CLCN7: variants seen among roughly 807,000 people sequenced by gnomAD.
CLCN7 encodes Cl-/H+ antiporter 7, also known as H(+)/Cl(-) exchange transporter 7.
A neutral mutation model predicts 102.1 loss-of-function variants in CLCN7; 60 were observed. The observed-to-expected ratio is 0.59, with a 90% CI of 0.48 to 0.73. The LOEUF is 0.73. Among genes scored for constraint, CLCN7 ranks in the 30% least tolerant of loss-of-function variants. CLCN7 has a pLI of 0.00. For synonymous variants in CLCN7, 560 were observed against 490.5 expected (o/e 1.14, Z -1.87); for missense variants, 962 against 1,125.7 (o/e 0.85, Z 2.08).
chr16:1,468,270 GCCACCC>G (rs1246263700), intron 1 of CLCN7, among the ~76,000 whole-genome samples: 1 of 152,172 alleles, frequency 6.6e-6, no homozygotes, highest in African/African-American at 2.4e-5. Context: ...TGACCAGCGG[GCCACCC>G]CCACCGCCGC....
At chr16:1,448,086 C>T (rs532769918) in intron 21 of CLCN7, among the ~76,000 whole-genome samples, 4 of 152,222 alleles carry the variant, frequency 2.6e-5, no homozygotes, top group East Asian at 3.9e-4. Flanking sequence ...CCTGTCAGGG[C>T]CTCCTGACAA....
Position 1,455,115 on chromosome 16 carries a change from G to T in CLCN7, c.1098+19C>A. 4.3e-6 allele frequency: 6 copies of T among 1,404,272 alleles called. No individual in the cohort carries two copies. The highest frequency in any genetic ancestry group is 6.1e-6 in the Non-Finnish European group (6 of 988,410). 87.0% of individuals were successfully genotyped at this position (1,404,272 alleles called of 1,614,324 possible). On this transcript the variant is annotated intron_variant, in intron 12 of 24. Transcript: ENST00000382745. ...GACCAGGATACGAGGTGGGCGAGGT[G>T]GGCGATGGGGCAGGTTACCTCCGAG...
intron 1 of CLCN7, 59 bp downstream of exon 1, chr16:1,474,775 C>G: frequency 8.2e-7 from 1 of 1,224,046 alleles, no homozygotes; most frequent in Non-Finnish European, 1.0e-6. Context: ...CTCACGAGGG[C>G]GCGGGCTGCG....
chr16:1,446,287 C>A lies in CLCN7; in HGVS notation c.*344G>T. 1 of 697,550 alleles carries A rather than the reference C, an allele frequency of 1.4e-6. No individual in the cohort carries two copies. Among genetic ancestry groups the A allele is most frequent in the South Asian group, 1.5e-5 (1 of 67,138 alleles). The allele number at this position is 697,550 out of a possible 1,614,324, so 43.2% of individuals were successfully genotyped here. ...GGGCTCTGTCTCACGCACACGGGCA[C>A]AGGCACGCAGGTGCCGGCCCTGCCG... On this transcript the variant is annotated 3_prime_UTR_variant, in exon 25 of 25. Coordinates refer to ENST00000382745, the MANE Select transcript of CLCN7 (RefSeq NM_001287.6).
Position 1,457,848 on chromosome 16 carries a change from G to T in CLCN7, c.676-92C>A. ...AAACAGCACACACAGCCCCGATCAG[G>T]CAGAGTGGCTGGGACACGGGGCCTC... On this transcript the variant is annotated intron_variant, in intron 7 of 24. Coordinates refer to ENST00000382745, the MANE Select transcript of CLCN7 (RefSeq NM_001287.6). This position sits in a 1 kb window ranked among gnomAD's most constrained non-coding sequence, Gnocchi z 5.4. The T allele has an allele frequency of 1.5e-6, 2 of 1,315,460 alleles. No homozygotes were observed. The highest frequency in any genetic ancestry group is 2.2e-6 in the Non-Finnish European group (2 of 917,808). The allele number at this position is 1,315,460 out of a possible 1,614,324, so 81.5% of individuals were successfully genotyped here.
rs121434435 is a variant in CLCN7, at chr16:1,447,038, G to A, written c.2299C>T (p.Arg767Trp). 2.5e-6 allele frequency: 4 copies of A among 1,601,746 alleles called. No individual in the cohort carries two copies. Among genetic ancestry groups the A allele is most frequent in the East Asian group, 2.2e-5 (1 of 44,592 alleles). Residue 767 changes from arginine (R) to tryptophan (W), a missense_variant, in exon 24 of 25, where the codon CGG (arginine) becomes TGG (tryptophan). Physicochemically the swap from Arg to Trp is moderately radical, Grantham distance 101 (BLOSUM62 -3). Around this residue, in one of 2 missense-constraint regions of CLCN7, gnomAD observed 799 missense variants for 988.0 expected, o/e 0.81. Coordinates refer to ENST00000382745, the MANE Select transcript of CLCN7 (RefSeq NM_001287.6). ...CGGTTGTCCACCACCACCAGGTGCC[G>A]CAGGCCCAGGGCCCGGAACAGCTTG... ...VFKLFRALGL[R>W]HLVVVDNRNQ...
In CLCN7 at chr16:1,448,734, A is replaced by G. The variant is rs149403063; in HGVS notation, c.1830T>C (p.Ser610=). 18 of 1,612,366 alleles carry G rather than the reference A, an allele frequency of 1.1e-5. No homozygotes were observed. The African/African-American group carries it at 2.3e-4, about 20-fold the overall frequency. The change falls in exon 20 of 25, where the codon AGT becomes AGC. Residue 610 remains serine, a synonymous_variant. Coordinates refer to ENST00000382745, the MANE Select transcript of CLCN7 (RefSeq NM_001287.6). ...GLYDMHIQLQ[S]VPFLHWEAPV... is the part of the protein sequence containing the mutation. The stretch of plus-strand genomic sequence containing the variant: ...GGGCCTCCCAGTGCAGGAAGGGCAC[A>G]CTCTGCAGCTGAATGTGCATGTCGT...
In CLCN7 at chr16:1,453,863, C is replaced by T. The variant is rs1171520715; in HGVS notation, c.1185G>A (p.Leu395=). 1 of 1,613,394 alleles carries T rather than the reference C, an allele frequency of 6.2e-7. No homozygotes were observed. The highest frequency in any genetic ancestry group is 1.1e-5 in the South Asian group (1 of 91,086). ...GGVLGAVFNA[L]NYWLTMFRIR... ...TTCGAAACATGGTCAGCCAGTAGTT[C>T]AAGGCATTGAACACTGCTCCAAGCA... Residue 395 remains leucine (L), a synonymous_variant, in exon 14 of 25, where the codon TTG becomes TTA. Transcript: ENST00000382745.
chr16:1,455,869 G>C, intron 10 of CLCN7, 74 bp from the exon 11 acceptor site: 1 of 1,525,258 alleles, frequency 6.6e-7, no homozygotes, highest in South Asian at 1.1e-5. Context: ...CCCTCCCCCA[G>C]GCTCCAGGGA....
At chr16:1,459,734 C>A (rs1338009473) in intron 6 of CLCN7, among the ~76,000 whole-genome samples, 4 of 39,390 alleles carry the variant, frequency 1.0e-4, no homozygotes, top group East Asian at 4.4e-4. Context: ...GGAAGGGGAG[C>A]TCAGCACACA....
chr16:1,448,816 G>T (rs1056756557), intron 19 of CLCN7, 50 bp from the exon 20 acceptor site: 2 of 1,600,918 alleles, frequency 1.2e-6, no homozygotes, highest in Non-Finnish European at 1.7e-6. Flanking sequence ...ACCCACCCCT[G>T]GAGCCCCGAG....
chr16:1,460,548 C>A, intron 5 of CLCN7, 21 bp from the exon 6 acceptor site: 3 of 1,584,884 alleles, frequency 1.9e-6, no homozygotes, highest in Non-Finnish European at 2.6e-6. Flanking sequence ...TCAAGGAGGG[C>A]TGGCTGCTTC....
rs1045439048 is a variant in CLCN7, at chr16:1,447,443, G to A, written c.2199C>T (p.Cys733=). 5 of 1,552,160 alleles carry A rather than the reference G, an allele frequency of 3.2e-6. No homozygotes were observed. Among genetic ancestry groups the A allele is most frequent in the Admixed American group, 3.9e-5 (2 of 51,328 alleles). Residue 733 remains cysteine, a synonymous_variant, in exon 23 of 25, where the codon TGC becomes TGT. Transcript: ENST00000382745. ...TCATGAACTCGGAGAGGTCCATGGT[G>A]CACTCCCGCTCGTCCTGGGACACGT... is the stretch of plus-strand genomic sequence containing the variant. ...SIHVSQDERE[C]TMDLSEFMNP... is the part of the protein sequence containing the mutation.
rs948593358 is a variant in CLCN7, at chr16:1,446,646, C to T, written c.2403G>A (p.Ser801=). The change falls in exon 25 of 25, where the codon TCG becomes TCA. Residue 801 remains serine (S), a synonymous_variant. Coordinates refer to ENST00000382745, the MANE Select transcript of CLCN7 (RefSeq NM_001287.6). ...GGGCTGGGCCTCACGTCTGGGCCAG[C>T]GAGAGCTCCTCCAAGCCTCTCTTTC... ...RLGKRGLEEL[S]LAQT is the part of the protein sequence containing the mutation. 7.6e-6 allele frequency: 12 copies of T among 1,569,548 alleles called. No individual in the cohort carries two copies. Among genetic ancestry groups the T allele is most frequent in the South Asian group, 1.2e-5 (1 of 85,866 alleles).
chr16:1,450,388 G>C (rs530075028), intron 17 of CLCN7, 109 bp downstream of exon 17: 1 of 1,164,260 alleles, frequency 8.6e-7, no homozygotes, highest in African/African-American at 1.5e-5. Flanking sequence ...CGTGAACCAC[G>C]TGAGGTGCGA....
chr16:1,459,447 A>C (rs939629439), intron 6 of CLCN7: 30 of 426,298 alleles, frequency 7.0e-5, no homozygotes, highest in South Asian at 1.3e-4. Context: ...GCATCAGGGA[A>C]GGGGAGAGCA....
intron 1 of CLCN7, 55 bp from the exon 2 acceptor site, chr16:1,465,393 T>G: frequency 6.7e-7 from 1 of 1,503,338 alleles, no homozygotes; most frequent in Non-Finnish European, 9.1e-7. Flanking sequence ...CTCTGCTCCG[T>G]GGATTCTCAC....
chr16:1,457,751 CA>C lies in CLCN7; in HGVS notation c.680del (p.Leu227TrpfsTer2). Reference protein sequence around the residue: ...KIPHVVRLKTLVIKVSGVILS... With the variant: ...KIPHVVRLKTXVIKVSGVILS... ...GGATCACACCGGACACTTTGATCACCAACGTCTGAAACACAGGGAGACGCAT... is the reference window on the plus strand; with the variant it reads ...GGATCACACCGGACACTTTGATCACCACGTCTGAAACACAGGGAGACGCAT... On this transcript the variant is annotated frameshift_variant, in exon 8 of 25. Transcript: ENST00000382745. LOFTEE classifies it high-confidence loss of function. The surrounding 1 kb of genome is among the most constrained non-coding windows in gnomAD (Gnocchi z 5.4). 6.2e-7 allele frequency: 1 copy of C among 1,613,872 alleles called. No individual in the cohort carries two copies. Among genetic ancestry groups the C allele is most frequent in the Non-Finnish European group, 8.5e-7 (1 of 1,179,976 alleles).
At chr16:1,468,248 C>T (rs1390819014) in intron 1 of CLCN7, among the ~76,000 whole-genome samples, 90 of 152,190 alleles carry the variant, frequency 5.9e-4, no homozygotes, top group Non-Finnish European at 1.8e-4. Flanking sequence ...TGAAGGCTGC[C>T]GGTGCAGTAT....
Sources: gnomAD v4.1 joint callset for allele counts (sites outside exome capture counted in the v4.1 genomes callset) on GRCh38, gnomAD v4.1.1 for gene constraint, gnomAD v4.1.1 regional missense constraint, Gnocchi (gnomAD v3.1) non-coding constraint, MANE v1.5 for transcripts, NCBI Gene and HGNC (gene_info 2026-07-23, HGNC 2026-07-21) for gene names.